Variants in DMGDH observed in about 807,000 individuals in gnomAD.
DMGDH encodes dimethylglycine dehydrogenase, mitochondrial.
Under a neutral mutation model 95.2 loss-of-function variants are expected in DMGDH, and 76 were observed. The ratio of observed to expected loss-of-function variants is 0.80; its 90% CI spans 0.66 to 0.97. The LOEUF (loss-of-function observed/expected upper bound fraction) is 0.97. Ranked by LOEUF, DMGDH falls within the 50% of genes least tolerant of loss-of-function variation. The pLI, the probability that DMGDH is intolerant of heterozygous loss-of-function variation, is 0.00. For synonymous variants in DMGDH, 345 were observed against 377.6 expected, an observed-to-expected ratio of 0.91 and a Z score of 1.00; for missense variants, 987 against 1,055.0, an observed-to-expected ratio of 0.94 and a Z score of 0.89.
At chr5:79,066,056 C>A (rs1004019239) in intron 1 of DMGDH, among the ~76,000 whole-genome samples, 5 of 152,130 alleles carry the variant, frequency 3.3e-5, no homozygotes, top group African/African-American at 1.2e-4. Context: ...CATTCTCTTA[C>A]ATAACAACAG....
intron 2 of DMGDH, among the ~76,000 whole-genome samples, chr5:79,057,391 G>A (rs1755062399): frequency 6.6e-6 from 1 of 152,106 alleles, no homozygotes. Flanking sequence ...GTACTTCTAT[G>A]GTAGTGGTGG....
intron 12 of DMGDH, among the ~76,000 whole-genome samples, chr5:79,027,425 T>C (rs1754033210): frequency 6.6e-6 from 1 of 152,218 alleles, no homozygotes; most frequent in African/African-American, 2.4e-5. Context: ...CTTTAATCTC[T>C]GTGTTCTCCT....
At chr5:79,063,466 C>T in intron 2 of DMGDH, 147 bp downstream of exon 2, 1 of 857,780 alleles carries the variant, frequency 1.2e-6, no homozygotes, top group Non-Finnish European at 1.9e-6. Flanking sequence ...TCTGGAAGTA[C>T]ACCAGTTAAA....
chr5:79,052,042 G>A (rs1421353888), intron 4 of DMGDH, among the ~76,000 whole-genome samples: 1 of 152,168 alleles, frequency 6.6e-6, no homozygotes, highest in Admixed American at 6.5e-5. Context: ...TTTGTCAAAT[G>A]TCTTTTCTGT....
rs79117749 is a variant in DMGDH, at chr5:79,055,153, T to C, written c.375+657A>G. On this transcript the variant is annotated intron_variant, in intron 3 of 15. Transcript: ENST00000255189. ...CAGCACATTCCAAAACTATATGTTATTGAGAGTAGCTGAAGCAGATAAGCA... is the reference window on the plus strand; with the variant it reads ...CAGCACATTCCAAAACTATATGTTACTGAGAGTAGCTGAAGCAGATAAGCA... Among the ~76,000 whole-genome samples, 1,258 of 152,288 alleles carry C rather than the reference T, an allele frequency of 8.3e-3. 3 individuals are homozygous for C. Among genetic ancestry groups the C allele is most frequent in the Non-Finnish European group, 0.014 (954 of 68,022 alleles).
At chr5:79,020,775 G>C (rs572536143) in intron 14 of DMGDH, 1 of 984,524 alleles carries the variant, frequency 1.0e-6, no homozygotes, top group Non-Finnish European at 1.2e-6. Flanking sequence ...GAAGGAGAGA[G>C]TGAGAAAAAG....
At chr5:79,006,757 G>A (rs757250178) in intron 14 of DMGDH, among the ~76,000 whole-genome samples, 6 of 151,918 alleles carry the variant, frequency 3.9e-5, no homozygotes, top group Non-Finnish European at 8.8e-5. Flanking sequence ...AGTTCTTTCT[G>A]CACTTGAAAC....
In DMGDH at chr5:79,051,606, C is replaced by T. The variant is rs945073091; in HGVS notation, c.541-115G>A. The T allele has an allele frequency of 3.0e-6, 3 of 999,598 alleles. No homozygotes were observed. The African/African-American group carries it at 4.8e-5, about 16-fold the overall frequency. The allele number at this position is 999,598 out of a possible 1,614,324, so 61.9% of individuals were successfully genotyped here. Reference sequence around the variant, plus strand: ...CTGGACTTCAAAAGTGTTTCTTGATCTGGAAAGTGACTGGGTCCCTGAAGA... The same window carrying T: ...CTGGACTTCAAAAGTGTTTCTTGATTTGGAAAGTGACTGGGTCCCTGAAGA... On this transcript the variant is annotated intron_variant, in intron 4 of 15. Transcript: ENST00000255189.
At chr5:79,065,994 T>A (rs1755368504) in intron 1 of DMGDH, among the ~76,000 whole-genome samples, 1 of 152,232 alleles carries the variant, frequency 6.6e-6, no homozygotes, top group African/African-American at 2.4e-5. Flanking sequence ...ATTGTAGGTA[T>A]CATACCCAGT....
At chr5:79,008,373 A>G (rs1469136407) in intron 14 of DMGDH, among the ~76,000 whole-genome samples, 1 of 152,200 alleles carries the variant, frequency 6.6e-6, no homozygotes, top group African/African-American at 2.4e-5. Flanking sequence ...TCTACACAAA[A>G]ACACCCCACA....
rs375274404 is a variant in DMGDH at position 79,054,166 on chromosome 5, T to C, written c.540+18A>G. ...TACTTAAGTCAACAAATGGTAAAAA[T>C]GCCCTTAAGATAAATACCTTATTCA... On this transcript the variant is annotated intron_variant, in intron 4 of 15. Coordinates refer to ENST00000255189, the MANE Select transcript of DMGDH (RefSeq NM_013391.3). The C allele has an allele frequency of 7.2e-5, 116 of 1,612,504 alleles. No homozygotes were observed. Among genetic ancestry groups the C allele is most frequent in the Non-Finnish European group, 8.7e-5 (103 of 1,179,672 alleles).
chr5:79,043,692 A>C (rs896501437), intron 6 of DMGDH, among the ~76,000 whole-genome samples: 26 of 152,230 alleles, frequency 1.7e-4, no homozygotes, highest in Admixed American at 1.3e-3. Flanking sequence ...CCCAATCTTC[A>C]ATCTGGCTCT....
chr5:79,030,704 G>T, intron 10 of DMGDH, 129 bp downstream of exon 10: 18 of 799,024 alleles, frequency 2.3e-5, no homozygotes, highest in Non-Finnish European at 3.4e-5. Context: ...TTGTATACTT[G>T]TATACTTTTG....
chr5:79,047,605 C>A (rs547430511), intron 5 of DMGDH, among the ~76,000 whole-genome samples: 40 of 152,262 alleles, frequency 2.6e-4, no homozygotes, highest in African/African-American at 9.6e-4. Flanking sequence ...CTGCCCGCGT[C>A]CCTGAGCTGT....
In DMGDH at chr5:79,030,030, C is replaced by T. The variant is rs1367287018; in HGVS notation, c.1688G>A (p.Gly563Asp). ...HLFANVIPKV[G>D]FTNISHMLTP... ...TAACATGTGACTTATATTTGTAAAA[C>T]CCACCTACATAAAAAAATTAAAAAT... Residue 563 changes from glycine to aspartate, a missense_variant, in exon 11 of 16, where the codon GGT becomes GAT. Gly to Asp is a moderately conservative substitution (Grantham distance 94, BLOSUM62 -1). Coordinates refer to ENST00000255189, the MANE Select transcript of DMGDH (RefSeq NM_013391.3). 4.3e-6 allele frequency: 7 copies of T among 1,612,088 alleles called. No individual in the cohort carries two copies. Among genetic ancestry groups the T allele is most frequent in the African/African-American group, 1.3e-5 (1 of 74,788 alleles).
intron 6 of DMGDH, among the ~76,000 whole-genome samples, chr5:79,042,943 C>T (rs1052250639): frequency 3.3e-5 from 5 of 152,102 alleles, no homozygotes; most frequent in African/African-American, 7.2e-5. Flanking sequence ...GATTTTAGAC[C>T]CCTTTTAACT....
At chr5:79,066,464 T>G (rs553975555) in intron 1 of DMGDH, among the ~76,000 whole-genome samples, 81 of 151,804 alleles carry the variant, frequency 5.3e-4, no homozygotes, top group African/African-American at 1.9e-3. Flanking sequence ...TTTTTTTTTT[T>G]TTTGTATTTT....
At chr5:79,017,291 A>G (rs914335100) in intron 14 of DMGDH, among the ~76,000 whole-genome samples, 1 of 152,218 alleles carries the variant, frequency 6.6e-6, no homozygotes, top group Non-Finnish European at 1.5e-5. Flanking sequence ...TGTATCTGAT[A>G]AAGAATACAG....
chr5:79,030,916 G>C lies in DMGDH; in HGVS notation c.1600C>G (p.Leu534Val), dbSNP rs369682083. The change falls in exon 10 of 16, where the codon CTA (leucine) becomes GTA (valine). Residue 534 changes from leucine (L) to valine (V), a missense_variant. Coordinates refer to ENST00000255189, the MANE Select transcript of DMGDH (RefSeq NM_013391.3). ...QVMQRVAVTD[L>V]SPFGKFNIKG... ...ATGTTAAACTTGCCAAATGGTGATA[G>C]GTCAGTTACCGCTACTCTTTGCATA... 4.3e-6 allele frequency: 7 copies of C among 1,614,106 alleles called. No homozygotes were observed. Among genetic ancestry groups the C allele is most frequent in the Non-Finnish European group, 4.2e-6 (5 of 1,179,998 alleles).
Sources: gnomAD v4.1 joint callset for allele counts (sites outside exome capture counted in the v4.1 genomes callset) on GRCh38, gnomAD v4.1.1 for gene constraint, MANE v1.5 for transcripts, NCBI Gene and HGNC (gene_info 2026-07-23, HGNC 2026-07-21) for gene names.